APELA: variants seen among roughly 807,000 people sequenced by gnomAD.
APELA encodes the protein protein Elabela.
chr4:164,883,222 A>G (rs1479210153), intron 2 of APELA, among the ~76,000 whole-genome samples: 1 of 152,144 alleles, frequency 6.6e-6, no homozygotes, highest in Non-Finnish European at 1.5e-5. Context: ...CTCTACTTTC[A>G]TGGAGCACTT....
At chr4:164,889,909 TTAAAGTA>T (rs1272369928) in intron 2 of APELA, among the ~76,000 whole-genome samples, 2 of 152,204 alleles carry the variant, frequency 1.3e-5, no homozygotes, top group Non-Finnish European at 2.9e-5. Context: ...TGCAAACAAT[TTAAAGTA>T]TACGGAAGGC....
chr4:164,880,664 G>T (rs1730638623), intron 2 of APELA, among the ~76,000 whole-genome samples: 1 of 152,104 alleles, frequency 6.6e-6, no homozygotes, highest in East Asian at 1.9e-4. Flanking sequence ...AATAGCAAGA[G>T]AATTCCTGCA....
intron 2 of APELA, among the ~76,000 whole-genome samples, chr4:164,888,692 C>A (rs574254996): frequency 1.3e-5 from 2 of 152,180 alleles, no homozygotes; most frequent in Non-Finnish European, 2.9e-5. Flanking sequence ...CTTGCAGCAA[C>A]CTTCACACCT....
At chr4:164,887,760 C>T (rs889360072) in intron 2 of APELA, among the ~76,000 whole-genome samples, 6 of 151,888 alleles carry the variant, frequency 4.0e-5, no homozygotes, top group East Asian at 1.9e-4. Flanking sequence ...TACAAGCATG[C>T]GCCACCATGC....
At chr4:164,886,401 C>G (rs1730770485) in intron 2 of APELA, among the ~76,000 whole-genome samples, 1 of 152,116 alleles carries the variant, frequency 6.6e-6, no homozygotes, top group African/African-American at 2.4e-5. Context: ...CTTGTAAACC[C>G]AGCACTTTGG....
At chr4:164,893,560 T>C (rs1361277745) in intron 2 of APELA, among the ~76,000 whole-genome samples, 2 of 152,142 alleles carry the variant, frequency 1.3e-5, no homozygotes, top group East Asian at 1.9e-4. Context: ...ATAAATGTCA[T>C]TCTTTGTCTC....
chr4:164,886,127 T>A (rs1730765875), intron 2 of APELA, among the ~76,000 whole-genome samples: 1 of 98,548 alleles, frequency 1.0e-5, no homozygotes, highest in South Asian at 3.4e-4. Context: ...TATGAGCTCC[T>A]TGAAGACAAG....
chr4:164,880,235 G>A (rs1480988267), intron 2 of APELA, among the ~76,000 whole-genome samples: 1 of 152,152 alleles, frequency 6.6e-6, no homozygotes, highest in African/African-American at 2.4e-5. Flanking sequence ...TGTATCTATT[G>A]TTTAATGCAT....
intron 1 of APELA, among the ~76,000 whole-genome samples, chr4:164,878,167 G>GAA (rs1484247886): frequency 1.0e-5 from 1 of 99,516 alleles, no homozygotes; most frequent in Non-Finnish European, 2.0e-5. Context: ...GAGAAAAGAA[G>GAA]AGAGAAAGAA....
chr4:164,887,101 T>C (rs575087349), intron 2 of APELA, among the ~76,000 whole-genome samples: 27 of 152,322 alleles, frequency 1.8e-4, no homozygotes, highest in African/African-American at 6.5e-4. Flanking sequence ...GTGCTGGGAT[T>C]ACAGGCATGA....
downstream of APELA, among the ~76,000 whole-genome samples, chr4:164,897,877 A>G (rs569283350): frequency 6.6e-6 from 1 of 152,206 alleles, no homozygotes; most frequent in East Asian, 1.9e-4. Context: ...AACAATTTTT[A>G]TGGGTTGGTA....
At chr4:164,881,192 G>A (rs1730646462) in intron 2 of APELA, among the ~76,000 whole-genome samples, 1 of 152,146 alleles carries the variant, frequency 6.6e-6, no homozygotes, top group African/African-American at 2.4e-5. Context: ...CTGGGTAAAT[G>A]TACTGTAAAC....
Position 164,877,257 on chromosome 4 carries a change from A to G in APELA, c.-75A>G, listed in dbSNP as rs190834845. On this transcript the variant is annotated 5_prime_UTR_variant, in exon 1 of 3. Transcript: ENST00000507152. ...CACTAGAATGTGAAGACAGCCACACAGATATTGCACAGACTATTTACAGAT... is the reference window on the plus strand; with the variant it reads ...CACTAGAATGTGAAGACAGCCACACGGATATTGCACAGACTATTTACAGAT... 1.8e-4 allele frequency: 73 copies of G among 398,132 alleles called. No individual in the cohort carries two copies. Among genetic ancestry groups the G allele is most frequent in the African/African-American group, 1.4e-3 (70 of 48,738 alleles). 24.7% of individuals were successfully genotyped at this position (398,132 alleles called of 1,614,324 possible).
intron 2 of APELA, among the ~76,000 whole-genome samples, chr4:164,882,582 A>C (rs977367983): frequency 3.4e-5 from 5 of 147,900 alleles, no homozygotes; most frequent in South Asian, 2.1e-4. Flanking sequence ...TTAATACATT[A>C]TTATTATTAT....
intron 2 of APELA, among the ~76,000 whole-genome samples, chr4:164,881,930 T>G (rs949832195): frequency 2.6e-5 from 4 of 151,760 alleles, no homozygotes; most frequent in Admixed American, 6.6e-5. Context: ...TCCTAGCTAT[T>G]TGGGGGGCTG....
downstream of APELA, among the ~76,000 whole-genome samples, chr4:164,898,545 T>G (rs981909133): frequency 6.6e-6 from 1 of 151,800 alleles, no homozygotes; most frequent in African/African-American, 2.4e-5. Flanking sequence ...TCTAACATTT[T>G]CAGAACACAA....
At chr4:164,877,519 A>G in intron 1 of APELA, 112 bp downstream of exon 1, 1 of 397,310 alleles carries the variant, frequency 2.5e-6, no homozygotes, top group Non-Finnish European at 4.4e-6. Flanking sequence ...TGCAGTTAGT[A>G]GTATTGGGGA....
intron 2 of APELA, among the ~76,000 whole-genome samples, chr4:164,885,133 GT>G (rs1297986491): frequency 6.6e-5 from 10 of 152,044 alleles, no homozygotes; most frequent in Non-Finnish European, 1.2e-4. Flanking sequence ...TTGTTTGTTT[GT>G]TTTGTTTTGT....
At chr4:164,898,458 C>T (rs958916284), downstream of APELA, among the ~76,000 whole-genome samples, 1 of 149,492 alleles carries the variant, frequency 6.7e-6, no homozygotes, top group Non-Finnish European at 1.5e-5. Flanking sequence ...GTCAAGATCA[C>T]GCCATTGCAC....
Sources: allele counts gnomAD v4.1 joint callset (sites outside exome capture counted in the v4.1 genomes callset), GRCh38; gene constraint gnomAD v4.1.1; transcripts MANE v1.5; gene names NCBI Gene and HGNC (gene_info 2026-07-23, HGNC 2026-07-21).